The following DGKI variants were observed in gnomAD, a reference collection of about 807,000 sequenced individuals.
The protein encoded by DGKI is diacylglycerol kinase iota.
Under a neutral mutation model 147.5 loss-of-function variants are expected in DGKI, and 55 were observed. The ratio of observed to expected loss-of-function variants is 0.37; its 90% CI spans 0.30 to 0.47. The LOEUF (loss-of-function observed/expected upper bound fraction) is 0.47, where lower values mean the gene tolerates loss of function less well. Among genes scored for constraint, DGKI ranks in the 20% least tolerant of loss-of-function variants. The pLI, the probability that DGKI is intolerant of heterozygous loss-of-function variation, is 1.00. For synonymous variants in DGKI, 469 were observed against 477.1 expected, an observed-to-expected ratio of 0.98 and a Z score of 0.22; for missense variants, 1,007 against 1,323.8, an observed-to-expected ratio of 0.76 and a Z score of 3.71.
intron 25 of DGKI, among the ~76,000 whole-genome samples, chr7:137,466,377 G>A (rs1035850274): frequency 6.6e-6 from 1 of 152,230 alleles, no homozygotes; most frequent in African/African-American, 2.4e-5. Context: ...CCGTCATCTG[G>A]TCAAAGCTAA....
chr7:137,713,638 A>AT (rs1420523144), intron 1 of DGKI, among the ~76,000 whole-genome samples: 4 of 152,024 alleles, frequency 2.6e-5, no homozygotes, highest in Admixed American at 2.6e-4. Flanking sequence ...AACCTACCCA[A>AT]TTTTTTTTAA....
chr7:137,638,541 T>C (rs905155227), intron 6 of DGKI, among the ~76,000 whole-genome samples: 108 of 114,562 alleles, frequency 9.4e-4, no homozygotes, highest in East Asian at 4.7e-3. Flanking sequence ...CACATATATG[T>C]ATATATATGT....
At chr7:137,564,808 T>A (rs1297870900) in intron 19 of DGKI, among the ~76,000 whole-genome samples, 1 of 152,238 alleles carries the variant, frequency 6.6e-6, no homozygotes, top group South Asian at 2.1e-4. Flanking sequence ...GATATTTAAA[T>A]CACTTCTCTG....
chr7:137,682,862 C>G (rs1288953666), intron 2 of DGKI, among the ~76,000 whole-genome samples: 1 of 152,080 alleles, frequency 6.6e-6, no homozygotes, highest in African/African-American at 2.4e-5. Flanking sequence ...CAGAGTGATC[C>G]TCAGCATGGG....
intron 27 of DGKI, among the ~76,000 whole-genome samples, chr7:137,463,149 C>T (rs1814515001): frequency 6.6e-6 from 1 of 152,194 alleles, no homozygotes; most frequent in South Asian, 2.1e-4. Context: ...CTCATGATCA[C>T]TCTCATGCAT....
chr7:137,671,050 T>G (rs1465226570), intron 3 of DGKI, among the ~76,000 whole-genome samples: 2 of 152,338 alleles, frequency 1.3e-5, no homozygotes, highest in Non-Finnish European at 2.9e-5. Flanking sequence ...CACAAGCTGC[T>G]GCCTGGTGCT....
rs541150932 is a variant in DGKI at position 137,527,368 on chromosome 7, T to C, written c.2148-5402A>G. On this transcript the variant is annotated intron_variant, in intron 20 of 32. Transcript: ENST00000614521. ...AGTTGCAGCTCTAATTAGCACTTAG[T>C]AGACAGGAAACCTTAGCAGAATGGG... Among the ~76,000 whole-genome samples, 12 of 152,288 alleles carry C rather than the reference T, an allele frequency of 7.9e-5. 1 individual carries two copies. In the South Asian group the frequency reaches 1.7e-3, roughly 21 times the overall value.
chr7:137,498,188 C>A (rs1255050533), intron 21 of DGKI, among the ~76,000 whole-genome samples: 1 of 151,228 alleles, frequency 6.6e-6, no homozygotes, highest in Non-Finnish European at 1.5e-5. Flanking sequence ...TAAATAGAGA[C>A]CTCATTAGAA....
At chr7:137,726,814 T>C (rs1794732097) in intron 1 of DGKI, among the ~76,000 whole-genome samples, 1 of 152,218 alleles carries the variant, frequency 6.6e-6, no homozygotes, top group African/African-American at 2.4e-5. Context: ...TACAGATTTG[T>C]GAAAGATTAT....
chr7:137,587,006 G>T, intron 13 of DGKI, 91 bp downstream of exon 13: 1 of 929,304 alleles, frequency 1.1e-6, no homozygotes. Context: ...GACAGCAGCA[G>T]CAGTACCCCC....
At chr7:137,510,107 T>C (rs1469815361) in intron 21 of DGKI, among the ~76,000 whole-genome samples, 1 of 152,218 alleles carries the variant, frequency 6.6e-6, no homozygotes, top group East Asian at 1.9e-4. Context: ...CAGGAGCAAG[T>C]ATGGGCAGAA....
intron 27 of DGKI, among the ~76,000 whole-genome samples, chr7:137,452,607 T>C (rs1814014867): frequency 6.6e-6 from 1 of 152,226 alleles, no homozygotes; most frequent in African/African-American, 2.4e-5. Context: ...CTTTCCTCTT[T>C]ACTGTCTAGC....
intron 1 of DGKI, among the ~76,000 whole-genome samples, chr7:137,725,827 C>G (rs891170597): frequency 2.6e-5 from 4 of 152,124 alleles, no homozygotes; most frequent in African/African-American, 9.7e-5. Context: ...TCTCTCCTAG[C>G]CTAACTCTCT....
Position 137,387,979 on chromosome 7 carries a change from T to A in DGKI, c.*3241A>T, listed in dbSNP as rs1585065853. 1 of 152,294 alleles carries A rather than the reference T, an allele frequency of 6.6e-6. No homozygotes were observed. Among genetic ancestry groups the A allele is most frequent in the East Asian group, 1.9e-4 (1 of 5,188 alleles). 9.4% of individuals were successfully genotyped at this position (152,294 alleles called of 1,614,324 possible). A position where few individuals can be genotyped will look rare whatever the true frequency, so the allele number is the denominator to read the frequency against. ...GAGTAGCTCCCAGCACAGGCAGATC[T>A]GCCAAAGCAGCCATTCTGAAAGGAT... On this transcript the variant is annotated 3_prime_UTR_variant, in exon 33 of 33. Coordinates refer to ENST00000614521, the MANE Select transcript of DGKI (RefSeq NM_001321708.2).
intron 20 of DGKI, among the ~76,000 whole-genome samples, chr7:137,544,674 T>C (rs1817809387): frequency 6.6e-6 from 1 of 152,212 alleles, no homozygotes; most frequent in South Asian, 2.1e-4. Context: ...AGACATGTAT[T>C]CTTTTATGCA....
intron 3 of DGKI, among the ~76,000 whole-genome samples, chr7:137,675,068 A>G (rs1822983471): frequency 6.6e-6 from 1 of 152,194 alleles, no homozygotes; most frequent in Admixed American, 6.5e-5. Context: ...GAATATAAAT[A>G]CATGATCTGC....
chr7:137,546,078 G>C, intron 20 of DGKI: 1 of 586,984 alleles, frequency 1.7e-6, no homozygotes, highest in Non-Finnish European at 3.1e-6. Flanking sequence ...AATTAAATGA[G>C]CGCATCACCG....
At chr7:137,406,120 A>G (rs571235021) in intron 30 of DGKI, among the ~76,000 whole-genome samples, 118 of 152,286 alleles carry the variant, frequency 7.7e-4, no homozygotes, top group Non-Finnish European at 1.2e-3. Context: ...CAAGCATTCA[A>G]TCTCTTGGGT....
At chr7:137,419,252 T>C (rs920856172) in intron 28 of DGKI, among the ~76,000 whole-genome samples, 1 of 152,234 alleles carries the variant, frequency 6.6e-6, no homozygotes, top group Non-Finnish European at 1.5e-5. Flanking sequence ...AAGGCCCAAC[T>C]TTTTGTGTGT....
Sources: allele counts gnomAD v4.1 joint callset (sites outside exome capture counted in the v4.1 genomes callset), GRCh38; gene constraint gnomAD v4.1.1; transcripts MANE v1.5; gene names NCBI Gene and HGNC (gene_info 2026-07-23, HGNC 2026-07-21).